The following PCF11 variants were observed in gnomAD, a reference collection of about 807,000 sequenced individuals.
The protein encoded by PCF11 is PCF11 cleavage and polyadenylation factor subunit, also known as pre-mRNA cleavage complex 2 protein Pcf11.
A neutral mutation model predicts 166.1 loss-of-function variants in PCF11; 19 were observed. The observed-to-expected ratio is 0.11, with a 90% CI of 0.08 to 0.17. The LOEUF (loss-of-function observed/expected upper bound fraction) is 0.17. PCF11 is among the 10% of genes least tolerant of loss of function. The pLI is 1.00. For synonymous variants in PCF11, 663 were observed against 644.1 expected (o/e 1.03, Z -0.44); for missense variants, 1,565 against 1,855.5 (o/e 0.84, Z 2.88).
intron 9 of PCF11, among the ~76,000 whole-genome samples, chr11:83,175,527 C>T (rs1350940353): frequency 2.0e-5 from 3 of 152,128 alleles, no homozygotes; most frequent in African/African-American, 7.2e-5. Context: ...CTAAGGCAGG[C>T]AGATCATGGA....
In PCF11 at chr11:83,167,052, G is replaced by T; in HGVS notation, c.1818-73G>T. 8.2e-7 allele frequency: 1 copy of T among 1,213,616 alleles called. No individual in the cohort carries two copies. The highest frequency in any genetic ancestry group is 2.4e-5 in the East Asian group (1 of 42,276). The allele number at this position is 1,213,616 out of a possible 1,614,324, so 75.2% of individuals were successfully genotyped here. On this transcript the variant is annotated intron_variant, in intron 5 of 15. Transcript: ENST00000298281. The surrounding 1 kb of genome is among the most constrained non-coding windows in gnomAD (Gnocchi z 4.2). ...CCATTTTAACCATATCCTTTGAAAAGAATCTTTAAATATGGTCCTGAGTAT... is the reference window on the plus strand; with the variant it reads ...CCATTTTAACCATATCCTTTGAAAATAATCTTTAAATATGGTCCTGAGTAT...
chr11:83,183,065 T>C, exon 15 of PCF11: 1 of 1,471,112 alleles, frequency 6.8e-7, no homozygotes, highest in Admixed American at 2.0e-5. Context: ...TTATGAAGAT[T>C]ATCAAAATGT....
intron 1 of PCF11, among the ~76,000 whole-genome samples, chr11:83,159,184 G>A (rs1414038683): frequency 6.6e-6 from 1 of 152,054 alleles, no homozygotes; most frequent in African/African-American, 2.4e-5. Context: ...TCCTGTGAAA[G>A]TGTATGTAAA....
chr11:83,167,328 C>A lies in PCF11; in HGVS notation c.2001+20C>A. The A allele has an allele frequency of 6.3e-7, 1 of 1,583,634 alleles. No homozygotes were observed. Among genetic ancestry groups the A allele is most frequent in the Non-Finnish European group, 8.6e-7 (1 of 1,163,972 alleles). On this transcript the variant is annotated intron_variant, in intron 6 of 15. Coordinates refer to ENST00000298281, the Ensembl canonical transcript of PCF11. The surrounding 1 kb of genome is among the most constrained non-coding windows in gnomAD (Gnocchi z 4.2). ...CAAAAGGTAGTTACTATGATTAATC[C>A]CATGTAGTCATCATTATCTATCGTC...
At chr11:83,166,250 T>G in exon 5 of PCF11, 1 of 1,613,292 alleles carries the variant, frequency 6.2e-7, no homozygotes, top group Non-Finnish European at 8.5e-7. Flanking sequence ...AAATCATAAA[T>G]GGCATTGTAC....
At chr11:83,165,647 A>G in exon 5 of PCF11, 2 of 1,613,642 alleles carry the variant, frequency 1.2e-6, no homozygotes, top group African/African-American at 1.3e-5. Context: ...TAGGTCCTGG[A>G]TCTGCACCAT....
In PCF11 at chr11:83,165,632, C is replaced by G. The variant is rs762949710; in HGVS notation, c.735C>G (p.Ser245=). ...CTCTTAGTGTTCAGCAGGAAACATC[C>G]AATTTAGGTCCTGGATCTGCACCAT... Residue 245 remains serine, a synonymous_variant, in exon 5 of 16, where the codon TCC becomes TCG. Coordinates refer to ENST00000298281, the Ensembl canonical transcript of PCF11. 14 of 1,612,006 alleles carry G rather than the reference C, an allele frequency of 8.7e-6. No individual in the cohort carries two copies. The East Asian group carries it at 3.1e-4, about 36-fold the overall frequency.
chr11:83,184,674 T>G lies in PCF11; in HGVS notation c.4453-5T>G. ...TCAGTACTCATAGGGCCTTTCATTT[T>G]GTAGACATCTTCATTTGATTGTACA... On this transcript the variant is annotated splice_region_variant and splice_polypyrimidine_tract_variant and intron_variant, in intron 15 of 15. Coordinates refer to ENST00000298281, the Ensembl canonical transcript of PCF11. 6.2e-7 allele frequency: 1 copy of G among 1,603,056 alleles called. No individual in the cohort carries two copies. The highest frequency in any genetic ancestry group is 8.5e-7 in the Non-Finnish European group (1 of 1,172,766).
At chr11:83,176,523 C>A (rs1002625717) in intron 9 of PCF11, among the ~76,000 whole-genome samples, 2 of 152,150 alleles carry the variant, frequency 1.3e-5, no homozygotes, top group Admixed American at 1.3e-4. Context: ...AGGATGAGTT[C>A]ATGTCCTTTG....
chr11:83,181,210 T>TAAAAGATACTATGGAGG lies in PCF11; in HGVS notation c.4167+19_4167+20insAAAAGATACTATGGAGG. 1 of 1,399,994 alleles carries TAAAAGATACTATGGAGG rather than the reference T, an allele frequency of 7.1e-7. No individual in the cohort carries two copies. The highest frequency in any genetic ancestry group is 9.9e-7 in the Non-Finnish European group (1 of 1,014,642). The allele number at this position is 1,399,994 out of a possible 1,614,324, so 86.7% of individuals were successfully genotyped here. A position where few individuals can be genotyped will look rare whatever the true frequency, so the allele number is the denominator to read the frequency against. ...TTTAACAGTAAGTAACCCATGTGCCTCCATAGTATCTTTTAGGCTTAAATT... is the reference window on the plus strand; with the variant it reads ...TTTAACAGTAAGTAACCCATGTGCCTAAAAGATACTATGGAGGCCATAGTATCTTTTAGGCTTAAATT... On this transcript the variant is annotated intron_variant, in intron 12 of 15. Coordinates refer to ENST00000298281, the Ensembl canonical transcript of PCF11.
intron 9 of PCF11, 142 bp downstream of exon 9, chr11:83,172,056 G>A: frequency 3.3e-6 from 2 of 607,842 alleles, no homozygotes; most frequent in Non-Finnish European, 5.8e-6. Flanking sequence ...ACATATTTTT[G>A]TTCCTTTTCT....
intron 1 of PCF11, among the ~76,000 whole-genome samples, chr11:83,159,417 G>A (rs1344422092): frequency 6.6e-6 from 1 of 151,994 alleles, no homozygotes; most frequent in African/African-American, 2.4e-5. Context: ...ATTCCACAGC[G>A]CCTAATATTT....
At chr11:83,160,391 T>G (rs1327092833) in intron 1 of PCF11, among the ~76,000 whole-genome samples, 1 of 143,762 alleles carries the variant, frequency 7.0e-6, no homozygotes, top group Non-Finnish European at 1.5e-5. Context: ...GGAGTCAGAG[T>G]TAAAACTATT....
Position 83,167,016 on chromosome 11 carries a change from GT to G in PCF11, c.1818-107del. On this transcript the variant is annotated intron_variant, in intron 5 of 15. Coordinates refer to ENST00000298281, the Ensembl canonical transcript of PCF11. The surrounding 1 kb of genome is among the most constrained non-coding windows in gnomAD (Gnocchi z 4.2). ...ATCATTTATTTAATTACTTTTTGTG[GT>G]TACATATGCCCATTTTAACCATATC... The G allele has an allele frequency of 1.2e-6, 1 of 849,862 alleles. No individual in the cohort carries two copies. The highest frequency in any genetic ancestry group is 1.8e-6 in the Non-Finnish European group (1 of 545,230). The allele number at this position is 849,862 out of a possible 1,614,324, so 52.6% of individuals were successfully genotyped here.
In PCF11 at chr11:83,177,068, TTTC is replaced by T. The variant is rs751659107; in HGVS notation, c.3758-14_3758-12del. ...CTTCAAAAGTGGTTTTTTTTCTTTCTTTCTTTTTTTTGTTAGGAGCCCTCCCTA... is the reference window on the plus strand; with the variant it reads ...CTTCAAAAGTGGTTTTTTTTCTTTCTTTTTTTTTGTTAGGAGCCCTCCCTA... On this transcript the variant is annotated splice_polypyrimidine_tract_variant and intron_variant, in intron 9 of 15. Transcript: ENST00000298281. 1 of 1,448,580 alleles carries T rather than the reference TTTC, an allele frequency of 6.9e-7. No homozygotes were observed. The allele number at this position is 1,448,580 out of a possible 1,614,324, so 89.7% of individuals were successfully genotyped here. A position where few individuals can be genotyped will look rare whatever the true frequency, so the allele number is the denominator to read the frequency against.
exon 8 of PCF11, chr11:83,169,380 A>T: frequency 6.2e-7 from 1 of 1,613,610 alleles, no homozygotes; most frequent in Non-Finnish European, 8.5e-7. Context: ...CTGTACCAGG[A>T]GGTGGCCTGA....
exon 1 of PCF11, chr11:83,157,140 A>G (rs1199822099): frequency 1.1e-5 from 6 of 551,570 alleles, no homozygotes; most frequent in South Asian, 5.0e-5. Context: ...CGCACGACGC[A>G]GCGGTTGGGA....
At chr11:83,185,820 G>A (rs1345467048) in exon 16 of PCF11, 1 of 152,526 alleles carries the variant, frequency 6.6e-6, no homozygotes, top group East Asian at 1.9e-4. Context: ...TTTATTTCTT[G>A]AAAAGCTTTA....
intron 13 of PCF11, 131 bp from the exon 14 acceptor site, chr11:83,182,268 A>C (rs1176040269): frequency 4.8e-6 from 3 of 622,208 alleles, no homozygotes; most frequent in Admixed American, 6.4e-5. Flanking sequence ...CATACTGTAT[A>C]TTGGACATTA....
Sources: allele counts gnomAD v4.1 joint callset (sites outside exome capture counted in the v4.1 genomes callset), GRCh38; gene constraint gnomAD v4.1.1; non-coding constraint Gnocchi (gnomAD v3.1); transcripts MANE v1.5; gene names NCBI Gene and HGNC (gene_info 2026-07-23, HGNC 2026-07-21).